PARP12: variants seen among roughly 807,000 people sequenced by gnomAD.
The protein encoded by PARP12 is poly(ADP-ribose) polymerase family member 12, also known as protein mono-ADP-ribosyltransferase PARP12.
Under a neutral mutation model 72.4 loss-of-function variants are expected in PARP12, and 59 were observed. The ratio of observed to expected loss-of-function variants is 0.81; its 90% CI spans 0.66 to 1.01. The LOEUF is 1.01. Among genes scored for constraint, PARP12 ranks in the 50% least tolerant of loss-of-function variants. PARP12 has a pLI of 0.00. For synonymous variants in PARP12, 403 were observed against 371.4 expected (o/e 1.09, Z -0.98); for missense variants, 851 against 914.0 (o/e 0.93, Z 0.89).
chr7:140,048,286 T>A (rs1347787373), intron 4 of PARP12, among the ~76,000 whole-genome samples: 1 of 152,082 alleles, frequency 6.6e-6, no homozygotes, highest in African/African-American at 2.4e-5. Context: ...ACCAACCCCA[T>A]GTTCCTCCTG....
In PARP12 at chr7:140,046,959, A is replaced by C. The variant is rs1305996659; in HGVS notation, c.911T>G (p.Leu304Trp). 3 of 1,613,982 alleles carry C rather than the reference A, an allele frequency of 1.9e-6. No individual in the cohort carries two copies. The highest frequency in any genetic ancestry group is 2.7e-5 in the African/African-American group (2 of 74,928). ...HFHLPYRWQF[L>W]DRGKWEDLDN... ...CAAATCCTCCCATTTGCCTCTATCC[A>C]AGAATTGCCATCGATACGGCAAATG... Residue 304 changes from leucine (L) to tryptophan (W), a missense_variant, in exon 5 of 12, where the codon TTG becomes TGG. Leu to Trp is a moderately conservative substitution (Grantham distance 61). Transcript: ENST00000263549.
chr7:140,047,658 C>T (rs1260769165), intron 4 of PARP12, among the ~76,000 whole-genome samples: 1 of 152,066 alleles, frequency 6.6e-6, no homozygotes, highest in Non-Finnish European at 1.5e-5. Flanking sequence ...CTCACTGTCA[C>T]CCAGGCTGGG....
In PARP12 at chr7:140,062,459, G is replaced by C. The variant is rs372151943; in HGVS notation, c.326+63C>G. ...AACTTCAAGTAGGACCCCCAAGCGG[G>C]CTGGAAGTGCGTGAGGGCGCGCAGG... is the stretch of plus-strand genomic sequence containing the variant. On this transcript the variant is annotated intron_variant, in intron 1 of 11. Transcript: ENST00000263549. The C allele has an allele frequency of 3.9e-4, 562 of 1,454,274 alleles. 11 individuals are homozygous for C. In the South Asian group the frequency reaches 6.1e-3, roughly 16 times the overall value. The allele number at this position is 1,454,274 out of a possible 1,614,324, so 90.1% of individuals were successfully genotyped here. A position where few individuals can be genotyped will look rare whatever the true frequency, so the allele number is the denominator to read the frequency against.
chr7:140,051,833 TGGA>T lies in PARP12; in HGVS notation c.862+2826_862+2828del, dbSNP rs546505010. Among the ~76,000 whole-genome samples the T allele has an allele frequency of 2.6e-5, 4 of 152,342 alleles. No homozygotes were observed. In the East Asian group the frequency reaches 7.7e-4, roughly 29 times the overall value. On this transcript the variant is annotated intron_variant, in intron 4 of 11. Transcript: ENST00000263549. ...GGAATGAGCAGCAGCCTTGTGGTGG[TGGA>T]GAAGGACCCTCTGGTGAAGCTTTCT...
chr7:140,062,728 C>A lies in PARP12; in HGVS notation c.120G>T (p.Glu40Asp). ...AGCGCCCACGCTGCCGCAGCAGCCG[C>A]TCCAGCGCGTCGGCGCTCAAGCCCA... ...LRMGLSADAL[E>D]RLLRQRGRFV... The change falls in exon 1 of 12, where the codon GAG becomes GAT. Residue 40 changes from glutamate (E) to aspartate (D), a missense_variant. By Grantham distance (45) the Glu-to-Asp change is conservative. Transcript: ENST00000263549. 7.3e-7 allele frequency: 1 copy of A among 1,361,734 alleles called. No individual in the cohort carries two copies. The highest frequency in any genetic ancestry group is 9.5e-7 in the Non-Finnish European group (1 of 1,050,586). 84.4% of individuals were successfully genotyped at this position (1,361,734 alleles called of 1,614,324 possible).
rs115584544 is a variant in PARP12 at position 140,060,855 on chromosome 7, C to T, written c.326+1667G>A. Among the ~76,000 whole-genome samples, 743 of 152,288 alleles carry T rather than the reference C, an allele frequency of 4.9e-3. 5 individuals are homozygous for T. Among genetic ancestry groups the T allele is most frequent in the African/African-American group, 0.016 (661 of 41,544 alleles). ...CAGATCTGATCCACTCCTGGGGCTG[C>T]AACTACAACATACACCGCCCAATAT... On this transcript the variant is annotated intron_variant, in intron 1 of 11. Coordinates refer to ENST00000263549, the MANE Select transcript of PARP12 (RefSeq NM_022750.4).
intron 4 of PARP12, among the ~76,000 whole-genome samples, chr7:140,047,956 T>C (rs1227917213): frequency 6.6e-6 from 1 of 152,172 alleles, no homozygotes; most frequent in Non-Finnish European, 1.5e-5. Flanking sequence ...ATATCATCTA[T>C]GAACTTTATT....
chr7:140,055,738 A>C (rs1433315675), intron 3 of PARP12, among the ~76,000 whole-genome samples: 3 of 152,248 alleles, frequency 2.0e-5, no homozygotes, highest in Non-Finnish European at 4.4e-5. Context: ...AGATCTATTT[A>C]ATACAAAACC....
rs745309151 is a variant in PARP12, at chr7:140,034,290, C to A, written c.1366G>T (p.Val456Phe). 6.2e-7 allele frequency: 1 copy of A among 1,613,168 alleles called. No homozygotes were observed. ...KNLVYGTTKK[V>F]CRRPKYVSPQ... ...GACACGTATTTGGGTCTGCGGCAAA[C>A]CTTTTTAGTTGTGCCATAGACCAGG... Residue 456 changes from valine to phenylalanine, a missense_variant, in exon 8 of 12, where the codon GTT becomes TTT. Val to Phe is a conservative substitution (Grantham distance 50). This residue lies in a region of PARP12 where 347 missense variants were observed against 396.1 expected (regional missense o/e 0.88). Coordinates refer to ENST00000263549, the MANE Select transcript of PARP12 (RefSeq NM_022750.4).
Position 140,036,634 on chromosome 7 carries a change from G to A in PARP12, c.1324+1081C>T, listed in dbSNP as rs376144283. The stretch of plus-strand genomic sequence containing the variant: ...TCACTATACTCCACATAGAATAAAC[G>A]TCTGCAAAAATAAAGAAAACCATAA... On this transcript the variant is annotated intron_variant, in intron 7 of 11. Transcript: ENST00000263549. 9.1e-4 allele frequency among the ~76,000 whole-genome samples: 139 copies of A among 152,144 alleles called. 2 individuals are homozygous for A. Among genetic ancestry groups the A allele is most frequent in the African/African-American group, 3.0e-3 (125 of 41,466 alleles).
intron 2 of PARP12, chr7:140,057,599 G>A: frequency 2.4e-6 from 1 of 423,856 alleles, no homozygotes; most frequent in African/African-American, 2.0e-5. Flanking sequence ...CTTAGAGAAG[G>A]CCAAATACCA....
rs772266031 is a variant in PARP12 at position 140,054,777 on chromosome 7, C to A, written c.761-14G>T. The stretch of plus-strand genomic sequence containing the variant: ...TGTCTTTTCTTTCTGCAAAGAAACA[C>A]CACAAAGATATGTCAGCTTCTGATA... On this transcript the variant is annotated splice_polypyrimidine_tract_variant and intron_variant, in intron 3 of 11. Coordinates refer to ENST00000263549, the MANE Select transcript of PARP12 (RefSeq NM_022750.4). 4.4e-6 allele frequency: 7 copies of A among 1,579,150 alleles called. No homozygotes were observed. In the South Asian group the frequency reaches 7.7e-5, roughly 17 times the overall value.
chr7:140,033,549 G>A (rs1816029065), intron 8 of PARP12: 1 of 985,372 alleles, frequency 1.0e-6, no homozygotes, highest in African/African-American at 1.7e-5. Context: ...GTGGCTGTGT[G>A]GTTTGGAGAA....
intron 5 of PARP12, 21 bp downstream of exon 5, chr7:140,046,863 G>C: frequency 6.2e-7 from 1 of 1,605,410 alleles, no homozygotes; most frequent in Non-Finnish European, 8.5e-7. Flanking sequence ...ACAAAGCAGA[G>C]ACAAGGGACA....
At chr7:140,030,363 C>T (rs936973075) in intron 8 of PARP12, among the ~76,000 whole-genome samples, 3 of 152,134 alleles carry the variant, frequency 2.0e-5, no homozygotes, top group African/African-American at 7.2e-5. Flanking sequence ...TTTGGGAGGC[C>T]GAGGTGGGCA....
chr7:140,062,691 C>G lies in PARP12; in HGVS notation c.157G>C (p.Val53Leu), dbSNP rs998305027. ...LRQRGRFVVA[V>L]RAGGAAAAPE... ...GCCGCGGCTGCGCCGCCCGCCCGCA[C>G]CGCCACCACGAAGCGCCCACGCTGC... The change falls in exon 1 of 12, where the codon GTG (valine) becomes CTG (leucine). Residue 53 changes from valine (V) to leucine (L), a missense_variant. Physicochemically the swap from Val to Leu is conservative, Grantham distance 32. Coordinates refer to ENST00000263549, the MANE Select transcript of PARP12 (RefSeq NM_022750.4). 1.2e-5 allele frequency: 15 copies of G among 1,302,934 alleles called. No homozygotes were observed. Among genetic ancestry groups the G allele is most frequent in the Middle Eastern group, 2.9e-4 (1 of 3,422 alleles). 80.7% of individuals were successfully genotyped at this position (1,302,934 alleles called of 1,614,324 possible).
chr7:140,036,535 G>A (rs1816208283), intron 7 of PARP12, among the ~76,000 whole-genome samples: 1 of 152,100 alleles, frequency 6.6e-6, no homozygotes. Context: ...AACCACAAGT[G>A]CCACGAAACC....
chr7:140,038,128 C>T (rs1585092147), intron 6 of PARP12: 2 of 985,418 alleles, frequency 2.0e-6, no homozygotes, highest in East Asian at 1.1e-4. Flanking sequence ...GAGGAGGGCA[C>T]TCAAGTCACC....
At chr7:140,034,399 T>C in intron 7 of PARP12, 68 bp from the exon 8 acceptor site, 2 of 1,306,244 alleles carry the variant, frequency 1.5e-6, no homozygotes, top group Non-Finnish European at 2.1e-6. Context: ...TGGCAATGTT[T>C]TATAAACACA....
Sources: gnomAD v4.1 joint callset for allele counts (sites outside exome capture counted in the v4.1 genomes callset) on GRCh38, gnomAD v4.1.1 for gene constraint, gnomAD v4.1.1 regional missense constraint, MANE v1.5 for transcripts, NCBI Gene and HGNC (gene_info 2026-07-23, HGNC 2026-07-21) for gene names.